ANKS1B: variants seen among roughly 807,000 people sequenced by gnomAD.
The protein encoded by ANKS1B is ankyrin repeat and sterile alpha motif domain containing 1B.
Under a neutral mutation model 148.3 loss-of-function variants are expected in ANKS1B, and 36 were observed. The observed-to-expected ratio is 0.24, with a 90% CI of 0.19 to 0.32. The LOEUF (loss-of-function observed/expected upper bound fraction) is 0.32. Among genes scored for constraint, ANKS1B ranks in the 10% least tolerant of loss-of-function variants. ANKS1B has a pLI of 1.00. For synonymous variants in ANKS1B, 542 were observed against 560.8 expected, an observed-to-expected ratio of 0.97 and a Z score of 0.47; for missense variants, 1,157 against 1,542.6, an observed-to-expected ratio of 0.75 and a Z score of 4.19.
At chr12:99,780,380 A>G (rs575692572) in intron 5 of ANKS1B, among the ~76,000 whole-genome samples, 1 of 151,818 alleles carries the variant, frequency 6.6e-6, no homozygotes, top group African/African-American at 2.4e-5. Context: ...GGTTCACGCC[A>G]TTCTCCTGCC....
intron 22 of ANKS1B, among the ~76,000 whole-genome samples, chr12:98,785,079 C>T (rs996305621): frequency 2.6e-5 from 4 of 152,294 alleles, no homozygotes; most frequent in East Asian, 1.9e-4. Context: ...AAGGATCCAT[C>T]GTCTTTTAAA....
At chr12:99,310,974 T>C (rs961241750) in intron 12 of ANKS1B, among the ~76,000 whole-genome samples, 1 of 152,154 alleles carries the variant, frequency 6.6e-6, no homozygotes, top group African/African-American at 2.4e-5. Flanking sequence ...CAATAGCACC[T>C]GCCTAATGGA....
downstream of ANKS1B, among the ~76,000 whole-genome samples, chr12:98,739,109 C>G (rs571963988): frequency 5.3e-5 from 8 of 152,350 alleles, no homozygotes; most frequent in East Asian, 1.9e-4. Flanking sequence ...CAGGGCCCCA[C>G]AGCCAAGTGG....
At chr12:99,572,856 A>T (rs1474334414) in intron 9 of ANKS1B, among the ~76,000 whole-genome samples, 1 of 152,106 alleles carries the variant, frequency 6.6e-6, no homozygotes, top group Non-Finnish European at 1.5e-5. Flanking sequence ...TGTTTCAATT[A>T]TTACAAATGT....
intron 17 of ANKS1B, among the ~76,000 whole-genome samples, chr12:99,036,895 T>C (rs551777001): frequency 5.9e-5 from 9 of 152,334 alleles, no homozygotes; most frequent in African/African-American, 2.2e-4. Context: ...TCAATCTGTG[T>C]GAGGCTGTGA....
At chr12:98,876,371 G>C (rs903612206) in intron 17 of ANKS1B, among the ~76,000 whole-genome samples, 8 of 152,158 alleles carry the variant, frequency 5.3e-5, no homozygotes, top group African/African-American at 1.9e-4. Context: ...GACCTTCTCT[G>C]AGAAGTCTCC....
rs1013690298 is a variant in ANKS1B, at chr12:99,464,121, A to C, written c.1439-20312T>G. 2.5e-4 allele frequency among the ~76,000 whole-genome samples: 38 copies of C among 152,196 alleles called. 1 individual carries two copies. The highest frequency in any genetic ancestry group is 6.5e-5 in the Admixed American group (1 of 15,284). ...TCCAGAGGAACGATCAGACAGCAGC[A>C]TTCGCGGTTGATGAAAATCCACTGT... On this transcript the variant is annotated intron_variant, in intron 10 of 26. Coordinates refer to ENST00000683438, the MANE Select transcript of ANKS1B (RefSeq NM_001352186.2).
intron 12 of ANKS1B, among the ~76,000 whole-genome samples, chr12:99,353,560 T>C (rs1333683496): frequency 2.0e-5 from 3 of 152,212 alleles, no homozygotes; most frequent in African/African-American, 7.2e-5. Context: ...GCATAAATTA[T>C]AACTCTGGTC....
intron 1 of ANKS1B, among the ~76,000 whole-genome samples, chr12:99,894,289 AAGGGAGGGAGGGAGGGAGGGAGGG>A (rs752609673): frequency 2.2e-5 from 1 of 45,826 alleles, no homozygotes; most frequent in Non-Finnish European, 4.1e-5. Context: ...GGAAGGAAGG[AAGGGAGGGAGGGAGGGAGGGAGGG>A]AGGGAGGGAG....
intron 17 of ANKS1B, 84 bp from the exon 18 acceptor site, chr12:98,832,220 G>C: frequency 8.8e-7 from 1 of 1,133,536 alleles, no homozygotes; most frequent in Non-Finnish European, 1.2e-6. Context: ...GGTGAAAAAA[G>C]ATTTGTGCAA....
intron 10 of ANKS1B, among the ~76,000 whole-genome samples, chr12:99,471,768 A>T (rs553010053): frequency 5.6e-4 from 86 of 152,254 alleles, no homozygotes; most frequent in African/African-American, 2.0e-3. Flanking sequence ...ACTCTTCCAA[A>T]TATACTTAAA....
At chr12:99,534,441 GA>G (rs756245093) in intron 9 of ANKS1B, among the ~76,000 whole-genome samples, 2 of 152,156 alleles carry the variant, frequency 1.3e-5, no homozygotes, top group Non-Finnish European at 2.9e-5. Flanking sequence ...GAAAAATAAT[GA>G]TGAATCCATA....
chr12:99,685,203 C>T (rs2098642674), intron 8 of ANKS1B, among the ~76,000 whole-genome samples: 1 of 152,068 alleles, frequency 6.6e-6, no homozygotes. Flanking sequence ...GACTAATATC[C>T]AGAATCTACA....
At chr12:99,421,634 A>T (rs920683291) in intron 11 of ANKS1B, among the ~76,000 whole-genome samples, 1 of 152,180 alleles carries the variant, frequency 6.6e-6, no homozygotes, top group African/African-American at 2.4e-5. Flanking sequence ...TGTTTACAGG[A>T]GCAGAAAGTT....
At chr12:99,611,866 A>G (rs1027374758) in intron 9 of ANKS1B, among the ~76,000 whole-genome samples, 2 of 152,074 alleles carry the variant, frequency 1.3e-5, no homozygotes, top group African/African-American at 4.8e-5. Context: ...TGAAATATCA[A>G]TCTGTGGAAT....
At chr12:99,271,874 T>C (rs920166592) in intron 12 of ANKS1B, among the ~76,000 whole-genome samples, 1 of 151,884 alleles carries the variant, frequency 6.6e-6, no homozygotes, top group Non-Finnish European at 1.5e-5. Context: ...ATTATAAATG[T>C]TACATCTCAT....
intron 5 of ANKS1B, 35 bp downstream of exon 5, chr12:99,781,987 T>A (rs1167292808): frequency 1.3e-6 from 2 of 1,526,566 alleles, no homozygotes; most frequent in Non-Finnish European, 1.8e-6. Context: ...ATGTTATCTG[T>A]CAGGATAAGC....
At chr12:98,921,081 TTTC>T (rs1347275330) in intron 17 of ANKS1B, among the ~76,000 whole-genome samples, 1 of 152,196 alleles carries the variant, frequency 6.6e-6, no homozygotes, top group Non-Finnish European at 1.5e-5. Context: ...AAAGTATGTC[TTTC>T]TTCTTTTCCC....
At chr12:98,854,207 G>A (rs1448759132) in intron 17 of ANKS1B, among the ~76,000 whole-genome samples, 1 of 152,190 alleles carries the variant, frequency 6.6e-6, no homozygotes. Context: ...GCTTAATGTA[G>A]ACCAGGAAAG....
Sources: gnomAD v4.1 joint callset for allele counts (sites outside exome capture counted in the v4.1 genomes callset) on GRCh38, gnomAD v4.1.1 for gene constraint, MANE v1.5 for transcripts, NCBI Gene and HGNC (gene_info 2026-07-23, HGNC 2026-07-21) for gene names.